The following PID1 variants were observed in gnomAD, a reference collection of about 807,000 sequenced individuals.
PID1 encodes PTB-containing, cubilin and LRP1-interacting protein.
PID1 carries 10 observed loss-of-function variants against 19.1 expected under a neutral mutation model. That is an observed-to-expected ratio of 0.52 (90% CI 0.32 to 0.89). The LOEUF (loss-of-function observed/expected upper bound fraction) is 0.89. Among genes scored for constraint, PID1 ranks in the 40% least tolerant of loss-of-function variants. The probability of loss-of-function intolerance (pLI) is 0.03; values close to 1 mark genes in which losing one functional copy is unlikely to be tolerated. For synonymous variants in PID1, 130 were observed against 116.0 expected, an observed-to-expected ratio of 1.12 and a Z score of -0.78; for missense variants, 248 against 285.3, an observed-to-expected ratio of 0.87 and a Z score of 0.94.
intron 2 of PID1, among the ~76,000 whole-genome samples, chr2:229,125,401 T>C (rs1216133021): frequency 1.5e-5 from 1 of 65,282 alleles, no homozygotes; most frequent in Non-Finnish European, 3.2e-5. Flanking sequence ...CTAATTCAAG[T>C]AGCCAAAAAA....
chr2:229,192,624 G>A (rs1258422584), intron 1 of PID1, among the ~76,000 whole-genome samples: 1 of 152,150 alleles, frequency 6.6e-6, no homozygotes, highest in Non-Finnish European at 1.5e-5. Flanking sequence ...GAACATACAG[G>A]AGAAGGTTCC....
At chr2:229,158,159 A>G (rs1690420017) in intron 1 of PID1, among the ~76,000 whole-genome samples, 1 of 152,236 alleles carries the variant, frequency 6.6e-6, no homozygotes, top group Non-Finnish European at 1.5e-5. Flanking sequence ...TACTTAGAAC[A>G]GCATTAAATG....
chr2:229,028,795 A>G (rs935944633), intron 2 of PID1, among the ~76,000 whole-genome samples: 1 of 152,212 alleles, frequency 6.6e-6, no homozygotes, highest in African/African-American at 2.4e-5. Context: ...TCAGCATCCA[A>G]TCCAAACTAT....
At chr2:229,126,330 C>G (rs1216402740) in intron 2 of PID1, among the ~76,000 whole-genome samples, 1 of 151,818 alleles carries the variant, frequency 6.6e-6, no homozygotes, top group Non-Finnish European at 1.5e-5. Context: ...ACAAAAAAGA[C>G]AGGTCTGGAG....
intron 1 of PID1, among the ~76,000 whole-genome samples, chr2:229,263,933 C>A (rs954784490): frequency 1.4e-4 from 21 of 152,116 alleles, no homozygotes; most frequent in African/African-American, 4.8e-4. Flanking sequence ...TTATTACTGA[C>A]ACTACTACTA....
At chr2:229,166,045 A>T (rs1197046860) in intron 1 of PID1, among the ~76,000 whole-genome samples, 2 of 152,234 alleles carry the variant, frequency 1.3e-5, no homozygotes, top group Non-Finnish European at 2.9e-5. Flanking sequence ...TATATTTTTA[A>T]GAGCAGAAAA....
At chr2:229,184,802 C>CCCGTATATATATATCCT (rs1691077078) in intron 1 of PID1, among the ~76,000 whole-genome samples, 1 of 13,094 alleles carries the variant, frequency 7.6e-5, no homozygotes, top group African/African-American at 5.4e-4. Context: ...ATATATATCC[C>CCCGTATATATATATCCT]GTATATATAT....
intron 2 of PID1, among the ~76,000 whole-genome samples, chr2:229,049,796 C>T (rs1407647422): frequency 1.3e-5 from 2 of 152,126 alleles, no homozygotes; most frequent in African/African-American, 4.8e-5. Context: ...AAGTCATCGA[C>T]ACAGAACACA....
chr2:229,028,365 C>T (rs528856653), intron 2 of PID1, among the ~76,000 whole-genome samples: 2 of 152,300 alleles, frequency 1.3e-5, no homozygotes, highest in South Asian at 4.2e-4. Context: ...CATCAGAAAG[C>T]AAACGTGTCA....
chr2:229,227,967 A>C (rs1692117049), intron 1 of PID1: 1 of 455,886 alleles, frequency 2.2e-6, no homozygotes, highest in Admixed American at 2.3e-5. Flanking sequence ...CACGGTCTTG[A>C]CTATCTGTAG....
chr2:229,155,772 G>A (rs1369634201), intron 2 of PID1, 46 bp downstream of exon 2: 3 of 1,541,264 alleles, frequency 1.9e-6, no homozygotes, highest in Non-Finnish European at 2.6e-6. Context: ...ACACATCTTT[G>A]AGGCTATCTC....
intron 1 of PID1, among the ~76,000 whole-genome samples, chr2:229,158,772 A>G (rs1371454921): frequency 6.6e-6 from 1 of 152,198 alleles, no homozygotes; most frequent in Admixed American, 6.5e-5. Flanking sequence ...AAAACTGCCA[A>G]AAACAGTTCT....
chr2:229,212,957 C>T (rs961549803), intron 1 of PID1, among the ~76,000 whole-genome samples: 1 of 152,106 alleles, frequency 6.6e-6, no homozygotes, highest in South Asian at 2.1e-4. Context: ...CAAACTTACT[C>T]TCAAATTGAA....
intron 2 of PID1, among the ~76,000 whole-genome samples, chr2:229,045,832 T>C (rs1444445350): frequency 6.6e-6 from 1 of 152,236 alleles, no homozygotes; most frequent in Non-Finnish European, 1.5e-5. Flanking sequence ...CACAGCCTTC[T>C]CTGTCAGTCA....
chr2:229,187,406 G>A (rs1367406103), intron 1 of PID1, among the ~76,000 whole-genome samples: 1 of 152,134 alleles, frequency 6.6e-6, no homozygotes, highest in Non-Finnish European at 1.5e-5. Context: ...CACATGGCTG[G>A]GGAGGTCTCA....
chr2:229,130,561 G>A (rs1343578572), intron 2 of PID1, among the ~76,000 whole-genome samples: 2 of 152,198 alleles, frequency 1.3e-5, no homozygotes, highest in East Asian at 1.9e-4. Context: ...GAGGAAACTC[G>A]TAGGCTTGTC....
At chr2:229,185,140 G>C (rs1185660736) in intron 1 of PID1, among the ~76,000 whole-genome samples, 6 of 147,846 alleles carry the variant, frequency 4.1e-5, no homozygotes, top group Non-Finnish European at 7.4e-5. Flanking sequence ...TATTGGTTCT[G>C]TTTTCCCAGA....
intron 1 of PID1, among the ~76,000 whole-genome samples, 199 bp downstream of exon 1, chr2:229,270,815 T>C (rs1690715412): frequency 6.6e-6 from 1 of 152,262 alleles, no homozygotes. Context: ...CCTGAACCCG[T>C]GCGTTTATCA....
intron 1 of PID1, among the ~76,000 whole-genome samples, chr2:229,224,333 T>C (rs569614565): frequency 5.3e-4 from 81 of 152,292 alleles, no homozygotes; most frequent in African/African-American, 1.7e-3. Flanking sequence ...TTATTGGGTA[T>C]CTACCAGAAG....
Sources: allele counts gnomAD v4.1 joint callset (sites outside exome capture counted in the v4.1 genomes callset), GRCh38; gene constraint gnomAD v4.1.1; transcripts MANE v1.5; gene names NCBI Gene and HGNC (gene_info 2026-07-23, HGNC 2026-07-21).